Variants in PRDM5 observed in about 807,000 individuals in gnomAD.
The protein encoded by PRDM5 is PR/SET domain 5.
PRDM5 carries 56 observed loss-of-function variants against 81.2 expected under a neutral mutation model. The observed-to-expected ratio is 0.69, with a 90% CI of 0.56 to 0.86. The LOEUF is 0.86. PRDM5 is among the 40% of genes least tolerant of loss of function. The pLI, the probability that PRDM5 is intolerant of heterozygous loss-of-function variation, is 0.00. For synonymous variants in PRDM5, 267 were observed against 256.4 expected (o/e 1.04, Z -0.39); for missense variants, 697 against 770.1 (o/e 0.91, Z 1.12).
rs1748274530 is a variant in PRDM5 at position 120,777,117 on chromosome 4, A to G, written c.1537+71T>C. ...TCTGGAAGATATTTGTATTATTACA[A>G]TATTTCCTGTCTTGGAAGCATGTGA... On this transcript the variant is annotated intron_variant, in intron 13 of 15. Coordinates refer to ENST00000264808, the MANE Select transcript of PRDM5 (RefSeq NM_018699.4). 5 of 1,610,822 alleles carry G rather than the reference A, an allele frequency of 3.1e-6. No individual in the cohort carries two copies. The East Asian group carries it at 8.9e-5, about 29-fold the overall frequency.
At chr4:120,703,673 AGTCAT>A (rs917110969) in intron 15 of PRDM5, among the ~76,000 whole-genome samples, 1 of 152,156 alleles carries the variant, frequency 6.6e-6, no homozygotes, top group African/African-American at 2.4e-5. Context: ...CAATCCTCAC[AGTCAT>A]GCTTTTAAGT....
intron 2 of PRDM5, among the ~76,000 whole-genome samples, chr4:120,903,150 T>C (rs1318570083): frequency 1.3e-5 from 2 of 152,166 alleles, no homozygotes; most frequent in Non-Finnish European, 1.5e-5. Context: ...CCACAACATA[T>C]GTAACTATTT....
Position 120,714,843 on chromosome 4 carries a change from T to C in PRDM5, c.1624-4430A>G, listed in dbSNP as rs551355426. 3.9e-5 allele frequency among the ~76,000 whole-genome samples: 6 copies of C among 152,286 alleles called. No homozygotes were observed. In the South Asian group the frequency reaches 8.3e-4, roughly 21 times the overall value. On this transcript the variant is annotated intron_variant, in intron 14 of 15. Coordinates refer to ENST00000264808, the MANE Select transcript of PRDM5 (RefSeq NM_018699.4). ...GCTATCAATCAAAGACTGTTTTAAG[T>C]TGATTTATTGCCTTAGGGTTTTCTG...
At chr4:120,810,909 A>T (rs933216274) in intron 8 of PRDM5, among the ~76,000 whole-genome samples, 1 of 152,210 alleles carries the variant, frequency 6.6e-6, no homozygotes, top group African/African-American at 2.4e-5. Flanking sequence ...TGGATTAAAA[A>T]TCATATAAAT....
In PRDM5 at chr4:120,793,675, G is replaced by A. The variant is rs549072928; in HGVS notation, c.1188+4592C>T. The stretch of plus-strand genomic sequence containing the variant: ...CAAATAAAAATTGTATCTATATGGT[G>A]TATGACATGTTTAGTGAAATGGCTA... On this transcript the variant is annotated intron_variant, in intron 10 of 15. Coordinates refer to ENST00000264808, the MANE Select transcript of PRDM5 (RefSeq NM_018699.4). 8.0e-4 allele frequency among the ~76,000 whole-genome samples: 122 copies of A among 152,162 alleles called. 1 individual carries two copies. Among genetic ancestry groups the A allele is most frequent in the Non-Finnish European group, 5.1e-4 (35 of 68,030 alleles).
At chr4:120,704,047 A>T (rs1431112428) in intron 15 of PRDM5, among the ~76,000 whole-genome samples, 1 of 152,186 alleles carries the variant, frequency 6.6e-6, no homozygotes, top group African/African-American at 2.4e-5. Flanking sequence ...AATGAGAGCA[A>T]TGGCAAGCTG....
chr4:120,710,462 T>C, intron 14 of PRDM5, 49 bp from the exon 15 acceptor site: 1 of 1,404,614 alleles, frequency 7.1e-7, no homozygotes, highest in East Asian at 2.3e-5. Context: ...AATGAATGAA[T>C]GCAGAGTCCT....
intron 2 of PRDM5, 87 bp from the exon 3 acceptor site, chr4:120,853,627 A>T (rs981809686): frequency 2.6e-6 from 4 of 1,536,248 alleles, no homozygotes; most frequent in Non-Finnish European, 2.7e-6. Context: ...ACGTTTTTTC[A>T]TAAGTATATA....
At chr4:120,814,025 C>A (rs1406358165) in intron 7 of PRDM5, among the ~76,000 whole-genome samples, 2 of 152,198 alleles carry the variant, frequency 1.3e-5, no homozygotes, top group Non-Finnish European at 2.9e-5. Flanking sequence ...TTCATGGCTT[C>A]TCCTCTTTTT....
chr4:120,839,223 C>G (rs779387719), intron 3 of PRDM5: 74 of 702,846 alleles, frequency 1.1e-4, no homozygotes, highest in Admixed American at 4.2e-4. Context: ...TCAGTCTTGT[C>G]TGTGTTACAG....
intron 2 of PRDM5, among the ~76,000 whole-genome samples, chr4:120,868,575 C>T (rs7675777): frequency 0.31 from 47,094 of 151,852 alleles, 7,612 homozygotes; most frequent in East Asian, 0.54. Context: ...AGAGATGATA[C>T]AAACTTAGTA....
chr4:120,904,207 A>AAAAAAAAAAAAAAAAC (rs1561676162), intron 2 of PRDM5, among the ~76,000 whole-genome samples: 4 of 141,380 alleles, frequency 2.8e-5, no homozygotes, highest in African/African-American at 1.1e-4. Flanking sequence ...AAAAAAAAAC[A>AAAAAAAAAAAAAAAAC]AAAAAACCTC....
At chr4:120,795,956 G>A (rs1751288683) in intron 10 of PRDM5, among the ~76,000 whole-genome samples, 1 of 151,974 alleles carries the variant, frequency 6.6e-6, no homozygotes, top group African/African-American at 2.4e-5. Context: ...TAATCACAAT[G>A]AAAAATAATA....
chr4:120,764,248 A>G (rs889014257), intron 13 of PRDM5, among the ~76,000 whole-genome samples: 1 of 152,224 alleles, frequency 6.6e-6, no homozygotes, highest in African/African-American at 2.4e-5. Context: ...AATGATAAAA[A>G]TATGAACTAC....
At chr4:120,801,532 G>A (rs1021620394) in intron 8 of PRDM5, among the ~76,000 whole-genome samples, 2 of 152,246 alleles carry the variant, frequency 1.3e-5, no homozygotes, top group African/African-American at 4.8e-5. Context: ...GGAAAAAGTA[G>A]AGAAACAAGG....
chr4:120,791,435 T>C (rs1282690663), intron 10 of PRDM5, among the ~76,000 whole-genome samples: 1 of 152,178 alleles, frequency 6.6e-6, no homozygotes, highest in Non-Finnish European at 1.5e-5. Context: ...TCTGTTCTTC[T>C]CCAAACTCAC....
chr4:120,915,291 C>T (rs905827748), intron 1 of PRDM5, among the ~76,000 whole-genome samples: 2 of 152,170 alleles, frequency 1.3e-5, no homozygotes, highest in African/African-American at 2.4e-5. Context: ...CCTACTCCAT[C>T]CACCATCCAA....
At chr4:120,777,448 G>A (rs1748339989) in intron 12 of PRDM5, among the ~76,000 whole-genome samples, 167 bp from the exon 13 acceptor site, 1 of 151,886 alleles carries the variant, frequency 6.6e-6, no homozygotes, top group African/African-American at 2.4e-5. Flanking sequence ...ATTCCCACTG[G>A]CTCAAAAAAA....
chr4:120,840,841 C>T (rs1391765473), intron 3 of PRDM5, among the ~76,000 whole-genome samples: 2 of 152,162 alleles, frequency 1.3e-5, no homozygotes, highest in Non-Finnish European at 2.9e-5. Flanking sequence ...ATGATGGCAG[C>T]GGCCACTCGA....
Sources: allele counts gnomAD v4.1 joint callset (sites outside exome capture counted in the v4.1 genomes callset), GRCh38; gene constraint gnomAD v4.1.1; transcripts MANE v1.5; gene names NCBI Gene and HGNC (gene_info 2026-07-23, HGNC 2026-07-21).